HABP2: variants seen among roughly 807,000 people sequenced by gnomAD.
HABP2 encodes the protein factor VII-activating protease.
Under a neutral mutation model 66.5 loss-of-function variants are expected in HABP2, and 65 were observed. The ratio of observed to expected loss-of-function variants is 0.98; its 90% CI spans 0.80 to 1.20. The LOEUF is 1.20. Among genes scored for constraint, HABP2 ranks in the 50% most tolerant of loss-of-function variants. The probability of loss-of-function intolerance (pLI) is 0.00; values close to 1 mark genes in which losing one functional copy is unlikely to be tolerated. For synonymous variants in HABP2, 263 were observed against 253.9 expected (o/e 1.04, Z -0.34); for missense variants, 786 against 691.0 (o/e 1.14, Z -1.54).
At chr10:113,583,498 C>T (rs1845579733) in intron 10 of HABP2, 140 bp downstream of exon 10, 1 of 721,478 alleles carries the variant, frequency 1.4e-6, no homozygotes, top group African/African-American at 1.8e-5. Flanking sequence ...GGAATGTATT[C>T]CAGGGATTTT....
chr10:113,567,425 C>G (rs1029122672), intron 1 of HABP2, 64 bp from the exon 2 acceptor site: 2 of 1,276,914 alleles, frequency 1.6e-6, no homozygotes, highest in African/African-American at 2.9e-5. Context: ...TGGCTGACAG[C>G]TAAGGAGCAC....
intron 2 of HABP2, among the ~76,000 whole-genome samples, chr10:113,568,920 G>A (rs959262998): frequency 1.4e-4 from 22 of 152,214 alleles, no homozygotes; most frequent in Admixed American, 1.2e-3. Context: ...ATGACACCCT[G>A]GAATTGTGCA....
Position 113,584,291 on chromosome 10 carries a change from G to C in HABP2, c.1372+9G>C. 3 of 1,613,042 alleles carry C rather than the reference G, an allele frequency of 1.9e-6. No homozygotes were observed. The Middle Eastern group carries it at 5.0e-4, about 267-fold the overall frequency. On this transcript the variant is annotated intron_variant, in intron 11 of 12. Transcript: ENST00000351270. ...GGGTGTTACAGAAACAGGTGAGTCG[G>C]CCATGCACTCTCCCATGACTTAGGT...
In HABP2 at chr10:113,588,922, C is replaced by G; in HGVS notation, c.*553C>G. On this transcript the variant is annotated 3_prime_UTR_variant, in exon 13 of 13. Transcript: ENST00000351270. ...GAAATCAAAGCCATCTGAAGCCTGT[C>G]TCTGGTGAACAAACTTCCTCTCTGG... The G allele has an allele frequency of 2.1e-6, 3 of 1,426,608 alleles. No homozygotes were observed. In the South Asian group the frequency reaches 3.5e-5, roughly 17 times the overall value. 88.4% of individuals were successfully genotyped at this position (1,426,608 alleles called of 1,614,324 possible).
rs11575716 is a variant in HABP2, at chr10:113,568,840, G to A, written c.106+1315G>A. Among the ~76,000 whole-genome samples the A allele has an allele frequency of 3.8e-3, 586 of 152,250 alleles. 3 individuals carry two copies. Among genetic ancestry groups the A allele is most frequent in the African/African-American group, 0.013 (554 of 41,536 alleles). The stretch of plus-strand genomic sequence containing the variant: ...GACACAGTGGAAGAAAAAGAAGTGC[G>A]GAAGACTCAAGGGCCCTTGACTTTA... On this transcript the variant is annotated intron_variant, in intron 2 of 12. Coordinates refer to ENST00000351270, the MANE Select transcript of HABP2 (RefSeq NM_004132.5).
intron 6 of HABP2, 45 bp from the exon 7 acceptor site, chr10:113,578,580 CAT>C: frequency 7.1e-7 from 1 of 1,416,058 alleles, no homozygotes. Flanking sequence ...TTGGGAGTGG[CAT>C]GCCAATGGCT....
rs761027081 is a variant in HABP2 at position 113,585,876 on chromosome 10, A to G, written c.1456A>G (p.Met486Val). 8 of 1,613,822 alleles carry G rather than the reference A, an allele frequency of 5.0e-6. No individual in the cohort carries two copies. Among genetic ancestry groups the G allele is most frequent in the Non-Finnish European group, 5.9e-6 (7 of 1,179,652 alleles). The change falls in exon 12 of 13, where the codon ATG (methionine) becomes GTG (valine). Residue 486 changes from methionine to valine, a missense_variant. Met to Val is a conservative substitution (Grantham distance 21). Coordinates refer to ENST00000351270, the MANE Select transcript of HABP2 (RefSeq NM_004132.5). Reference protein sequence around the residue: ...LCNSRQLYDHMIDDSMICAGN... With the variant: ...LCNSRQLYDHVIDDSMICAGN... ...CAACTCCCGCCAACTCTATGACCAC[A>G]TGATTGATGACAGTATGATCTGTGC...
At chr10:113,585,670 G>C in intron 11 of HABP2, 123 bp from the exon 12 acceptor site, 2 of 731,472 alleles carry the variant, frequency 2.7e-6, no homozygotes, top group African/African-American at 1.7e-5. Flanking sequence ...CCATATCCTG[G>C]AAAAACCCTT....
chr10:113,585,569 G>C (rs1017384557), intron 11 of HABP2, among the ~76,000 whole-genome samples: 6 of 152,280 alleles, frequency 3.9e-5, no homozygotes, highest in African/African-American at 9.6e-5. Context: ...AAAGAGAGGA[G>C]GGAATATACT....
intron 1 of HABP2, among the ~76,000 whole-genome samples, chr10:113,562,344 G>T (rs1280122836): frequency 6.6e-6 from 1 of 152,110 alleles, no homozygotes; most frequent in East Asian, 1.9e-4. Context: ...CAGTAGGCTG[G>T]CCAAGGCTCA....
At position 113,580,472 on chromosome 10, in the gene HABP2, T is replaced by G. The variant is rs1845503649; in HGVS notation, c.741-123T>G. 4.6e-6 allele frequency: 3 copies of G among 651,922 alleles called. No individual in the cohort carries two copies. The Admixed American group carries it at 7.1e-5, about 15-fold the overall frequency. The allele number at this position is 651,922 out of a possible 1,614,324, so 40.4% of individuals were successfully genotyped here. A position where few individuals can be genotyped will look rare whatever the true frequency, so the allele number is the denominator to read the frequency against. ...TAAGGTTTTGTAACCTGATGGAGGA[T>G]TCAAAGAAATGTGGTCCCAGGGGGA... On this transcript the variant is annotated intron_variant, in intron 7 of 12. Transcript: ENST00000351270.
At chr10:113,586,043 C>A in intron 12 of HABP2, 105 bp downstream of exon 12, 1 of 1,005,490 alleles carries the variant, frequency 9.9e-7, no homozygotes, top group Non-Finnish European at 1.5e-6. Flanking sequence ...CAGAGGTCCA[C>A]CTGTGGTAAA....
chr10:113,587,919 TCA>T (rs944117223), intron 12 of HABP2, among the ~76,000 whole-genome samples: 9 of 152,002 alleles, frequency 5.9e-5, no homozygotes, highest in East Asian at 5.8e-4. Flanking sequence ...CCCCGAGAAC[TCA>T]CAGTCATAAC....
chr10:113,568,510 G>A (rs919516187), intron 2 of HABP2, among the ~76,000 whole-genome samples: 1 of 152,204 alleles, frequency 6.6e-6, no homozygotes, highest in Non-Finnish European at 1.5e-5. Flanking sequence ...GAGGATATTT[G>A]TGGAGTTGAA....
chr10:113,559,565 G>A (rs1301050598), intron 1 of HABP2, among the ~76,000 whole-genome samples: 1 of 152,206 alleles, frequency 6.6e-6, no homozygotes, highest in Non-Finnish European at 1.5e-5. Flanking sequence ...AGTCGCCTGG[G>A]CACTGGAGGA....
At position 113,589,115 on chromosome 10, in the gene HABP2, G is replaced by A. The variant is rs1252530038; in HGVS notation, c.*746G>A. 1 of 1,569,658 alleles carries A rather than the reference G, an allele frequency of 6.4e-7. No homozygotes were observed. Among genetic ancestry groups the A allele is most frequent in the Non-Finnish European group, 8.8e-7 (1 of 1,142,156 alleles). On this transcript the variant is annotated 3_prime_UTR_variant, in exon 13 of 13. Transcript: ENST00000351270. ...CAAACATACCCCAAGTTAAAATGAA[G>A]CTCCCCCACCCCCACTCCCGGCCCC... is the stretch of plus-strand genomic sequence containing the variant.
chr10:113,558,412 G>T (rs530778572), intron 1 of HABP2, among the ~76,000 whole-genome samples: 35 of 152,336 alleles, frequency 2.3e-4, no homozygotes, highest in Admixed American at 1.7e-3. Context: ...CTAGCTGGCT[G>T]CTGTTGACAT....
In HABP2 at chr10:113,585,890, T is replaced by C. The variant is rs148362361; in HGVS notation, c.1470T>C (p.Ser490=). 160 of 1,613,806 alleles carry C rather than the reference T, an allele frequency of 9.9e-5. 2 individuals are homozygous for C. The African/African-American group carries it at 1.9e-3, about 19-fold the overall frequency. ...RQLYDHMIDD[S]MICAGNLQKP... ...TCTATGACCACATGATTGATGACAGTATGATCTGTGCAGGAAATCTTCAGA... is the reference window on the plus strand; with the variant it reads ...TCTATGACCACATGATTGATGACAGCATGATCTGTGCAGGAAATCTTCAGA... Residue 490 remains serine, a synonymous_variant, in exon 12 of 13, where the codon AGT becomes AGC. Transcript: ENST00000351270.
Position 113,559,726 on chromosome 10 carries a change from C to G in HABP2, c.69+6536C>G, listed in dbSNP as rs147613669. ...CCAATGTCTTTAAAATGGAAATTCT[C>G]CGGATGTAACAAATGGGACTCTTCT... is the stretch of plus-strand genomic sequence containing the variant. On this transcript the variant is annotated intron_variant, in intron 1 of 12. Coordinates refer to ENST00000351270, the MANE Select transcript of HABP2 (RefSeq NM_004132.5). Among the ~76,000 whole-genome samples, 599 of 152,344 alleles carry G rather than the reference C, an allele frequency of 3.9e-3. 3 individuals carry two copies. The highest frequency in any genetic ancestry group is 0.014 in the African/African-American group (580 of 41,578).
Sources: gnomAD v4.1 joint callset for allele counts (sites outside exome capture counted in the v4.1 genomes callset) on GRCh38, gnomAD v4.1.1 for gene constraint, MANE v1.5 for transcripts, NCBI Gene and HGNC (gene_info 2026-07-23, HGNC 2026-07-21) for gene names.